DAB1: variants seen among roughly 807,000 people sequenced by gnomAD.
DAB1 encodes DAB adaptor protein 1, also known as disabled homolog 1.
DAB1 carries 15 observed loss-of-function variants against 64.6 expected under a neutral mutation model. The ratio of observed to expected loss-of-function variants is 0.23; its 90% confidence interval spans 0.16 to 0.36. The LOEUF (loss-of-function observed/expected upper bound fraction) is 0.36. DAB1 is among the 10% of genes least tolerant of loss of function. The pLI is 1.00. For missense variants in DAB1, 596 were observed against 706.7 expected, an observed-to-expected ratio of 0.84 and a Z score of 1.78; for synonymous variants, 235 against 251.9, an observed-to-expected ratio of 0.93 and a Z score of 0.64.
At chr1:57,040,657 A>G (rs1452819210) in intron 9 of DAB1, among the ~76,000 whole-genome samples, 1 of 152,228 alleles carries the variant, frequency 6.6e-6, no homozygotes, top group African/African-American at 2.4e-5. Flanking sequence ...ACAGAAAACC[A>G]GAAATCAAAG....
chr1:57,109,712 C>G (rs1346025037), intron 4 of DAB1, among the ~76,000 whole-genome samples: 1 of 152,150 alleles, frequency 6.6e-6, no homozygotes, highest in Non-Finnish European at 1.5e-5. Context: ...TCACAGCAAC[C>G]CTATGAGGGA....
chr1:58,487,760 G>A (rs543615663), intron 3 of DAB1, among the ~76,000 whole-genome samples: 10 of 151,998 alleles, frequency 6.6e-5, no homozygotes, highest in Non-Finnish European at 1.5e-4. Context: ...TCTACTCCTA[G>A]CTGCATCCAC....
At chr1:58,539,031 C>T (rs781665717) in intron 1 of DAB1, 1 of 872,808 alleles carries the variant, frequency 1.1e-6, no homozygotes, top group South Asian at 1.3e-5. Context: ...TCCAAATTTC[C>T]TTACTTTTGG....
Position 57,606,600 on chromosome 1 carries a change from T to G in DAB1, n.625+42992A>C, listed in dbSNP as rs1285496263. ...ATATATAATATAATATATTATATAT[T>G]ATATATATGAAATATATAATATATG... On this transcript the variant is annotated intron_variant and non_coding_transcript_variant, in intron 7 of 20. Coordinates refer to the DAB1 transcript ENST00000485760. 2.8e-5 allele frequency among the ~76,000 whole-genome samples: 3 copies of G among 107,578 alleles called. No homozygotes were observed. The Admixed American group carries it at 3.6e-4, about 13-fold the overall frequency. 70.6% of individuals were successfully genotyped at this position (107,578 alleles called of 152,430 possible).
At chr1:58,052,643 G>A (rs1647755140) in intron 5 of DAB1, among the ~76,000 whole-genome samples, 1 of 152,108 alleles carries the variant, frequency 6.6e-6, no homozygotes, top group South Asian at 2.1e-4. Context: ...GGGCAGTATG[G>A]CCATTTTCAT....
chr1:57,925,438 C>T (rs754915884), intron 5 of DAB1, among the ~76,000 whole-genome samples: 13 of 152,182 alleles, frequency 8.5e-5, no homozygotes, highest in Non-Finnish European at 1.6e-4. Context: ...TAACATTGCT[C>T]ATCCTAAGCA....
intron 4 of DAB1, among the ~76,000 whole-genome samples, chr1:58,169,820 G>A (rs1447066853): frequency 2.0e-5 from 3 of 152,066 alleles, no homozygotes; most frequent in Non-Finnish European, 4.4e-5. Flanking sequence ...AAACCCCCAG[G>A]CTATCGGTTA....
rs1644121800 is a variant in DAB1, at chr1:58,357,385, G to A, written n.258-13982C>T. ...ATTTTTGGCTTAAGGAACATGGTGG[G>A]TGGTGGTGCCGTTTCTGCACAACAG... On this transcript the variant is annotated intron_variant and non_coding_transcript_variant, in intron 3 of 20. Coordinates refer to the DAB1 transcript ENST00000485760. 2.6e-5 allele frequency among the ~76,000 whole-genome samples: 4 copies of A among 152,148 alleles called. No homozygotes were observed. The South Asian group carries it at 8.3e-4, about 32-fold the overall frequency.
chr1:57,368,201 T>G (rs758248613), intron 1 of DAB1, among the ~76,000 whole-genome samples: 1 of 152,132 alleles, frequency 6.6e-6, no homozygotes, highest in Admixed American at 6.5e-5. Context: ...GAAGCCGAAA[T>G]GGGGCTGAGA....
intron 3 of DAB1, among the ~76,000 whole-genome samples, chr1:58,495,096 A>G (rs1421555248): frequency 6.6e-6 from 1 of 152,230 alleles, no homozygotes; most frequent in Non-Finnish European, 1.5e-5. Flanking sequence ...GCCATAAAAA[A>G]GGATGAGTTC....
At chr1:57,851,271 T>C (rs960085841) in intron 1 of DAB1, among the ~76,000 whole-genome samples, 2 of 152,224 alleles carry the variant, frequency 1.3e-5, no homozygotes, top group Non-Finnish European at 1.5e-5. Flanking sequence ...AAAATGTTAT[T>C]ATTTTGGCCT....
chr1:57,764,794 T>C (rs571135039), intron 6 of DAB1, among the ~76,000 whole-genome samples: 3 of 152,324 alleles, frequency 2.0e-5, no homozygotes, highest in African/African-American at 7.2e-5. Context: ...TTTACAAAGA[T>C]GATCAAATGG....
chr1:57,811,333 GTGC>G (rs941167870), intron 6 of DAB1, among the ~76,000 whole-genome samples: 8 of 152,254 alleles, frequency 5.3e-5, no homozygotes, highest in South Asian at 4.1e-4. Context: ...ATCCCCCTTG[GTGC>G]TGTTCTTGTG....
intron 4 of DAB1, among the ~76,000 whole-genome samples, chr1:57,084,241 T>C (rs1652838036): frequency 6.6e-6 from 1 of 151,982 alleles, no homozygotes; most frequent in Non-Finnish European, 1.5e-5. Context: ...GGCACAGACA[T>C]GTATATGGAG....
At chr1:57,548,679 T>G (rs1260002454) in intron 7 of DAB1, among the ~76,000 whole-genome samples, 2 of 152,150 alleles carry the variant, frequency 1.3e-5, no homozygotes, top group Non-Finnish European at 2.9e-5. Context: ...GCCTACCAGA[T>G]TTGAATGTTT....
chr1:57,811,749 C>G (rs1044848518), intron 6 of DAB1, among the ~76,000 whole-genome samples: 1 of 152,154 alleles, frequency 6.6e-6, no homozygotes, highest in African/African-American at 2.4e-5. Context: ...ACACAGTTGT[C>G]CAGCCCATAG....
chr1:57,490,625 A>T (rs112493223), intron 7 of DAB1, among the ~76,000 whole-genome samples: 120 of 152,310 alleles, frequency 7.9e-4, no homozygotes, highest in African/African-American at 2.6e-3. Flanking sequence ...CAGTTTACAA[A>T]CTAGAGAACC....
intron 1 of DAB1, among the ~76,000 whole-genome samples, chr1:57,330,338 G>A (rs1484200853): frequency 6.6e-6 from 1 of 152,136 alleles, no homozygotes; most frequent in Non-Finnish European, 1.5e-5. Context: ...TTTACCACTA[G>A]GGTGGTGCAG....
At chr1:58,022,619 C>A (rs1004140352) in intron 5 of DAB1, among the ~76,000 whole-genome samples, 4 of 152,114 alleles carry the variant, frequency 2.6e-5, no homozygotes, top group African/African-American at 9.7e-5. Context: ...ATGTTTAAAA[C>A]ACATTTACTC....
Sources: gnomAD v4.1 joint callset for allele counts (sites outside exome capture counted in the v4.1 genomes callset) on GRCh38, gnomAD v4.1.1 for gene constraint, MANE v1.5 for transcripts, NCBI Gene and HGNC (gene_info 2026-07-23, HGNC 2026-07-21) for gene names.